Variants in ACP5 observed in about 807,000 individuals in gnomAD.
The protein encoded by ACP5 is tartrate-resistant acid phosphatase type 5.
A neutral mutation model predicts 28.7 loss-of-function variants in ACP5; 24 were observed. The observed-to-expected ratio is 0.84, with a 90% CI of 0.61 to 1.18. The LOEUF (loss-of-function observed/expected upper bound fraction) is 1.18. ACP5 is among the 50% of genes most tolerant of loss of function. The pLI is 0.00. For synonymous variants in ACP5, 154 were observed against 181.4 expected (o/e 0.85, Z 1.21); for missense variants, 354 against 422.2 (o/e 0.84, Z 1.42).
upstream of ACP5, chr19:11,578,493 A>G (rs1270448066): frequency 6.6e-6 from 1 of 152,252 alleles, no homozygotes; most frequent in Admixed American, 6.5e-5. Flanking sequence ...TGACCCTCAT[A>G]GTCTCAGCAG....
At position 11,577,143 on chromosome 19, in the gene ACP5, G is replaced by T; in HGVS notation, c.175C>A (p.Gln59Lys). Residue 59 changes from glutamine (Q) to lysine (K), a missense_variant, in exon 2 of 5, where the codon CAG (glutamine) becomes AAG (lysine). Transcript: ENST00000648477. This position sits in a 1 kb window ranked among gnomAD's most constrained non-coding sequence, Gnocchi z 5.7. ...AGGATGAAGTCTGCACCCAGGATCTGCACAGTCCGAGCGATCTCCTTGGCA... is the reference window on the plus strand; with the variant it reads ...AGGATGAAGTCTGCACCCAGGATCTTCACAGTCCGAGCGATCTCCTTGGCA... The part of the protein sequence containing the change: ...ANAKEIARTV[Q>K]ILGADFILSL... The T allele has an allele frequency of 6.2e-7, 1 of 1,614,160 alleles. No individual in the cohort carries two copies. Among genetic ancestry groups the T allele is most frequent in the African/African-American group, 1.3e-5 (1 of 75,054 alleles).
chr19:11,575,055 G>T lies in ACP5; in HGVS notation c.933C>A (p.Gly311=), dbSNP rs2145080968. 6.2e-7 allele frequency: 1 copy of T among 1,614,210 alleles called. No individual in the cohort carries two copies. The highest frequency in any genetic ancestry group is 2.2e-5 in the East Asian group (1 of 44,880). ...EMTVTYIEAS[G]KSLFKTRLPR... is the part of the protein sequence containing the mutation. Reference sequence around the variant, plus strand: ...GCAGCCTGGTCTTAAAGAGGGACTTGCCCGAGGCCTCGATGTAAGTGACAG... The same window carrying T: ...GCAGCCTGGTCTTAAAGAGGGACTTTCCCGAGGCCTCGATGTAAGTGACAG... Residue 311 remains glycine, a synonymous_variant, in exon 5 of 5, where the codon GGC becomes GGA. Coordinates refer to ENST00000648477, the MANE Select transcript of ACP5 (RefSeq NM_001611.5).
rs1973210642 is a variant in ACP5 at position 11,577,358 on chromosome 19, C to A, written c.1-41G>T. On this transcript the variant is annotated intron_variant, in intron 1 of 4. Transcript: ENST00000648477. The surrounding 1 kb of genome is among the most constrained non-coding windows in gnomAD (Gnocchi z 5.7). ...CAAGCATAGGTGGCCCGGGCTGTGACAAGGGCAGGGAGGCCTTGAGACCCC... is the reference window on the plus strand; with the variant it reads ...CAAGCATAGGTGGCCCGGGCTGTGAAAAGGGCAGGGAGGCCTTGAGACCCC... 6.2e-7 allele frequency: 1 copy of A among 1,603,172 alleles called. No individual in the cohort carries two copies. The highest frequency in any genetic ancestry group is 1.1e-5 in the South Asian group (1 of 89,628).
chr19:11,575,423 C>T, intron 4 of ACP5, 171 bp from the exon 5 acceptor site: 1 of 786,224 alleles, frequency 1.3e-6, no homozygotes, highest in Non-Finnish European at 2.1e-6. Context: ...ATAGGTAGAG[C>T]ACTTAGTAAG....
At chr19:11,575,721 G>C (rs185688591) in intron 4 of ACP5, among the ~76,000 whole-genome samples, 1 of 151,992 alleles carries the variant, frequency 6.6e-6, no homozygotes, top group African/African-American at 2.4e-5. Context: ...GCAAGGTTTG[G>C]TGGCCCATGC....
At chr19:11,577,807 G>A (rs1050763114), upstream of ACP5, 3 of 248,388 alleles carry the variant, frequency 1.2e-5, no homozygotes, top group Non-Finnish European at 1.6e-5. This position sits in a 1 kb window ranked among gnomAD's most constrained non-coding sequence, Gnocchi z 5.7. Flanking sequence ...GGTGGGGGTG[G>A]GAGGATCTGG....
rs3035420 is a variant in ACP5, at chr19:11,576,006, C to CAAAAAAAAAAAAAAA, written c.735+222_735+236dup. 3.0e-3 allele frequency among the ~76,000 whole-genome samples: 157 copies of CAAAAAAAAAAAAAAA among 52,792 alleles called. 1 individual carries two copies. The highest frequency in any genetic ancestry group is 0.013 in the African/African-American group (153 of 11,978). The allele number at this position is 52,792 out of a possible 152,430, so 34.6% of individuals were successfully genotyped here. A position where few individuals can be genotyped will look rare whatever the true frequency, so the allele number is the denominator to read the frequency against. ...GTGAAAAACAATGAAACCTTGTCTCCAAAAAAAAAAAAAAAAAAGAGCTTA... is the reference window on the plus strand; with the variant it reads ...GTGAAAAACAATGAAACCTTGTCTCCAAAAAAAAAAAAAAAAAAAAAAAAAAAAAAAAAGAGCTTA... On this transcript the variant is annotated intron_variant, in intron 4 of 4. Coordinates refer to ENST00000648477, the MANE Select transcript of ACP5 (RefSeq NM_001611.5).
In ACP5 at chr19:11,574,959, C is replaced by T. The variant is rs773555317; in HGVS notation, c.*51G>A. On this transcript the variant is annotated 3_prime_UTR_variant, in exon 5 of 5. Coordinates refer to ENST00000648477, the MANE Select transcript of ACP5 (RefSeq NM_001611.5). ...CTGTGAGCAGGGTCCCGGCAGGGCC[C>T]ACCCACCCAACAGTGGAGATCGGGC... 5 of 1,611,750 alleles carry T rather than the reference C, an allele frequency of 3.1e-6. No homozygotes were observed. In the South Asian group the frequency reaches 5.5e-5, roughly 18 times the overall value.
Position 11,577,381 on chromosome 19 carries a change from C to G in ACP5, c.1-64G>C, listed in dbSNP as rs1973211446. 1 of 1,559,446 alleles carries G rather than the reference C, an allele frequency of 6.4e-7. No individual in the cohort carries two copies. Among genetic ancestry groups the G allele is most frequent in the African/African-American group, 1.4e-5 (1 of 73,742 alleles). ...GACAAGGGCAGGGAGGCCTTGAGACCCCCGCCTGCCCTGAGATAGAGGGAG... is the reference window on the plus strand; with the variant it reads ...GACAAGGGCAGGGAGGCCTTGAGACGCCCGCCTGCCCTGAGATAGAGGGAG... On this transcript the variant is annotated intron_variant, in intron 1 of 4. Transcript: ENST00000648477. This position sits in a 1 kb window ranked among gnomAD's most constrained non-coding sequence, Gnocchi z 5.7.
At chr19:11,576,006 C>CAAAAAAAAAAAAA (rs3035420) in intron 4 of ACP5, among the ~76,000 whole-genome samples, 4 of 52,882 alleles carry the variant, frequency 7.6e-5, no homozygotes, top group Non-Finnish European at 1.1e-4. Context: ...ACCTTGTCTC[C>CAAAAAAAAAAAAA]AAAAAAAAAA....
At chr19:11,575,593 C>T (rs1010054480) in intron 4 of ACP5, 2 of 348,470 alleles carry the variant, frequency 5.7e-6, no homozygotes, top group South Asian at 5.0e-5. Context: ...TGCAGTGGCT[C>T]ATGCCTATAA....
In ACP5 at chr19:11,577,501, AG is replaced by A. The variant is rs1212915797; in HGVS notation, c.-1+91del. On this transcript the variant is annotated intron_variant, in intron 1 of 4. Coordinates refer to ENST00000648477, the MANE Select transcript of ACP5 (RefSeq NM_001611.5). The surrounding 1 kb of genome is among the most constrained non-coding windows in gnomAD (Gnocchi z 5.7). ...AAGGCTGCACAAGCTGGCTTAGGGAAGGGGGGCGCGGTCTGTGAGAGGGCGA... is the reference window on the plus strand; with the variant it reads ...AAGGCTGCACAAGCTGGCTTAGGGAAGGGGGCGCGGTCTGTGAGAGGGCGA... 8.4e-6 allele frequency: 6 copies of A among 710,204 alleles called. No individual in the cohort carries two copies. The highest frequency in any genetic ancestry group is 1.5e-5 in the Non-Finnish European group (6 of 412,800). The allele number at this position is 710,204 out of a possible 1,614,324, so 44.0% of individuals were successfully genotyped here.
Position 11,577,544 on chromosome 19 carries a change from C to T in ACP5, c.-1+49G>A, listed in dbSNP as rs1055009503. 2.3e-5 allele frequency: 14 copies of T among 605,520 alleles called. No homozygotes were observed. Among genetic ancestry groups the T allele is most frequent in the Non-Finnish European group, 3.8e-5 (13 of 338,924 alleles). The allele number at this position is 605,520 out of a possible 1,614,324, so 37.5% of individuals were successfully genotyped here. ...AGAGGGCGAGCTGTACCAAGATGGC[C>T]CTGCAGGCCCATTTCACCCTCCTTC... On this transcript the variant is annotated intron_variant, in intron 1 of 4. Coordinates refer to ENST00000648477, the MANE Select transcript of ACP5 (RefSeq NM_001611.5). This position sits in a 1 kb window ranked among gnomAD's most constrained non-coding sequence, Gnocchi z 5.7.
chr19:11,577,135 C>T lies in ACP5; in HGVS notation c.183G>A (p.Leu61=), dbSNP rs777947402. 1 of 1,614,180 alleles carries T rather than the reference C, an allele frequency of 6.2e-7. No individual in the cohort carries two copies. The highest frequency in any genetic ancestry group is 1.1e-5 in the South Asian group (1 of 91,078). Residue 61 remains leucine, a synonymous_variant, in exon 2 of 5, where the codon CTG becomes CTA. Transcript: ENST00000648477. The surrounding 1 kb of genome is among the most constrained non-coding windows in gnomAD (Gnocchi z 5.7). ...CTAGAGACAGGATGAAGTCTGCACC[C>T]AGGATCTGCACAGTCCGAGCGATCT... ...AKEIARTVQI[L]GADFILSLGD...
intron 4 of ACP5, among the ~76,000 whole-genome samples, chr19:11,575,743 G>T (rs1973111778): frequency 6.6e-6 from 1 of 151,732 alleles, no homozygotes; most frequent in Admixed American, 6.6e-5. Flanking sequence ...TGTAATCCCA[G>T]CTACTTGGGA....
upstream of ACP5, chr19:11,578,205 A>C (rs1354852558): frequency 6.6e-6 from 1 of 151,890 alleles, no homozygotes; most frequent in Non-Finnish European, 1.5e-5. Flanking sequence ...CTATGGATGG[A>C]GTTTTGTGTG....
Position 11,577,602 on chromosome 19 carries a change from GAC to G in ACP5, c.-12_-11del, listed in dbSNP as rs1973222484. 1.8e-6 allele frequency: 1 copy of G among 541,086 alleles called. No individual in the cohort carries two copies. Among genetic ancestry groups the G allele is most frequent in the Non-Finnish European group, 3.3e-6 (1 of 298,986 alleles). 33.5% of individuals were successfully genotyped at this position (541,086 alleles called of 1,614,324 possible). ...CCTGCCCAGCACTCACCCAGGGGGA[GAC>G]ACAGGCCAGTCACCGGAGGCTCTGA... is the stretch of plus-strand genomic sequence containing the variant. On this transcript the variant is annotated 5_prime_UTR_variant, in exon 1 of 5. Coordinates refer to ENST00000648477, the MANE Select transcript of ACP5 (RefSeq NM_001611.5). This position sits in a 1 kb window ranked among gnomAD's most constrained non-coding sequence, Gnocchi z 5.7.
intron 2 of ACP5, 85 bp downstream of exon 2, chr19:11,576,972 C>T (rs1433893084): frequency 1.9e-6 from 3 of 1,605,058 alleles, no homozygotes; most frequent in Non-Finnish European, 2.6e-6. Flanking sequence ...CTTCCCTCTG[C>T]CCTCACCAAA....
At position 11,574,746 on chromosome 19, in the gene ACP5, C is replaced by T; in HGVS notation, c.*264G>A. 1 of 463,978 alleles carries T rather than the reference C, an allele frequency of 2.2e-6. No homozygotes were observed. Among genetic ancestry groups the T allele is most frequent in the South Asian group, 2.1e-5 (1 of 48,776 alleles). The allele number at this position is 463,978 out of a possible 1,614,324, so 28.7% of individuals were successfully genotyped here. A position where few individuals can be genotyped will look rare whatever the true frequency, so the allele number is the denominator to read the frequency against. ...GGAAGCTTTCCCTCCCTCCCTCCCC[C>T]ATTGCACCCCGGAACTCAGCAAAGG... On this transcript the variant is annotated 3_prime_UTR_variant, in exon 5 of 5. Transcript: ENST00000648477.
Sources: allele counts gnomAD v4.1 joint callset (sites outside exome capture counted in the v4.1 genomes callset), GRCh38; gene constraint gnomAD v4.1.1; non-coding constraint Gnocchi (gnomAD v3.1); transcripts MANE v1.5; gene names NCBI Gene and HGNC (gene_info 2026-07-23, HGNC 2026-07-21).